PCDHGB2: variants seen among roughly 807,000 people sequenced by gnomAD.
PCDHGB2 encodes the protein protocadherin gamma subfamily B, 2.
Under a neutral mutation model 59.3 loss-of-function variants are expected in PCDHGB2, and 55 were observed. The ratio of observed to expected loss-of-function variants is 0.93; its 90% CI spans 0.75 to 1.16. The LOEUF is 1.16. PCDHGB2 is among the 50% of genes most tolerant of loss of function. PCDHGB2 has a pLI of 0.00. For missense variants in PCDHGB2, 1,228 were observed against 1,198.5 expected (o/e 1.02, Z -0.36); for synonymous variants, 516 against 512.0 (o/e 1.01, Z -0.11).
In PCDHGB2 at chr5:141,395,547, TGTGTGTGTGTGTGTG is replaced by T. The variant is rs2093269943; in HGVS notation, c.2421+32992_2421+33006del. On this transcript the variant is annotated intron_variant, in intron 1 of 3. Coordinates refer to ENST00000522605, the MANE Select transcript of PCDHGB2 (RefSeq NM_018923.3). ...ACTGGTAATTTTGCTATTGTTTGTG[TGTGTGTGTGTGTGTG>T]TGTGTGTGTGTGTGTGTGTGTGTGT... 2.2e-3 allele frequency: 375 copies of T among 174,268 alleles called. 18 individuals carry two copies. The highest frequency in any genetic ancestry group is 5.2e-3 in the East Asian group (33 of 6,366). 10.8% of individuals were successfully genotyped at this position (174,268 alleles called of 1,614,324 possible). A position where few individuals can be genotyped will look rare whatever the true frequency, so the allele number is the denominator to read the frequency against.
chr5:141,442,457 T>G (rs1209684998), intron 1 of PCDHGB2: 1 of 152,268 alleles, frequency 6.6e-6, no homozygotes, highest in African/African-American at 2.4e-5. Context: ...AATAGCAGTT[T>G]CACTGCAGAA....
chr5:141,491,048 C>G lies in PCDHGB2; in HGVS notation c.2422-3759C>G. On this transcript the variant is annotated intron_variant, in intron 1 of 3. Coordinates refer to ENST00000522605, the MANE Select transcript of PCDHGB2 (RefSeq NM_018923.3). The surrounding 1 kb of genome is among the most constrained non-coding windows in gnomAD (Gnocchi z 6.9). ...GTGGATGCTGATGCAGGCCACAATGCGTGGCTCTCCTACTCACTGTTGCCA... is the reference window on the plus strand; with the variant it reads ...GTGGATGCTGATGCAGGCCACAATGGGTGGCTCTCCTACTCACTGTTGCCA... 1.2e-6 allele frequency: 2 copies of G among 1,614,066 alleles called. No individual in the cohort carries two copies. Among genetic ancestry groups the G allele is most frequent in the Non-Finnish European group, 8.5e-7 (1 of 1,179,952 alleles).
chr5:141,365,483 T>A (rs750405300), intron 1 of PCDHGB2: 2 of 1,614,018 alleles, frequency 1.2e-6, no homozygotes, highest in Non-Finnish European at 1.7e-6. Context: ...GATTGCATGC[T>A]CTATTCCTAG....
At chr5:141,441,718 C>A in intron 1 of PCDHGB2, 1 of 344,940 alleles carries the variant, frequency 2.9e-6, no homozygotes, top group Non-Finnish European at 5.7e-6. Flanking sequence ...ACGCTGCAGG[C>A]CCGCGACCAG....
At chr5:141,446,831 T>C (rs1237079019) in intron 1 of PCDHGB2, among the ~76,000 whole-genome samples, 2 of 152,186 alleles carry the variant, frequency 1.3e-5, no homozygotes, top group East Asian at 3.9e-4. Context: ...TAGATCCTTA[T>C]AAGGCTGAGC....
Position 141,360,955 on chromosome 5 carries a change from A to G in PCDHGB2, c.820A>G (p.Asn274Asp). The G allele has an allele frequency of 6.2e-7, 1 of 1,613,952 alleles. No individual in the cohort carries two copies. Among genetic ancestry groups the G allele is most frequent in the Non-Finnish European group, 8.5e-7 (1 of 1,179,890 alleles). ...AGCCACCGACCGGGATGAAGGCATA[A>G]ACGCAGAGATCACCTACTCCTTTCA... ...VTATDRDEGI[N>D]AEITYSFHNV... Residue 274 changes from asparagine to aspartate, a missense_variant, in exon 1 of 4, where the codon AAC (asparagine) becomes GAC (aspartate). Physicochemically the swap from Asn to Asp is conservative, Grantham distance 23. Around this residue, in one of 3 missense-constraint regions of PCDHGB2, gnomAD observed 781 missense variants for 721.6 expected, o/e 1.08. Coordinates refer to ENST00000522605, the MANE Select transcript of PCDHGB2 (RefSeq NM_018923.3).
At chr5:141,372,958 T>TACAA in intron 1 of PCDHGB2, 9 of 710,562 alleles carry the variant, frequency 1.3e-5, no homozygotes, top group South Asian at 2.1e-5. Context: ...AAATTCTTTG[T>TACAA]AGAATTTCCT....
intron 2 of PCDHGB2, among the ~76,000 whole-genome samples, chr5:141,495,943 C>T (rs998665622): frequency 3.9e-5 from 6 of 152,010 alleles, no homozygotes; most frequent in African/African-American, 1.4e-4. Flanking sequence ...GTCTCTGTGC[C>T]TGTTGTCTTT....
chr5:141,399,146 G>T (rs758823968), intron 1 of PCDHGB2: 1 of 1,613,792 alleles, frequency 6.2e-7, no homozygotes, highest in East Asian at 2.2e-5. Context: ...AATGACAATA[G>T]CCCAGAAGTT....
Position 141,491,522 on chromosome 5 carries a change from A to G in PCDHGB2, c.2422-3285A>G, listed in dbSNP as rs778246278. ...TCGGACGGCACGCTCAAGTACATGG[A>G]GGTGACGCTGCGGCCCACAGACTCG... is the stretch of plus-strand genomic sequence containing the variant. On this transcript the variant is annotated intron_variant, in intron 1 of 3. Coordinates refer to ENST00000522605, the MANE Select transcript of PCDHGB2 (RefSeq NM_018923.3). The surrounding 1 kb of genome is among the most constrained non-coding windows in gnomAD (Gnocchi z 6.9). 8.1e-6 allele frequency: 13 copies of G among 1,614,024 alleles called. No homozygotes were observed. Among genetic ancestry groups the G allele is most frequent in the Non-Finnish European group, 1.1e-5 (13 of 1,180,002 alleles).
chr5:141,364,414 C>A (rs776503621), intron 1 of PCDHGB2: 13 of 1,612,210 alleles, frequency 8.1e-6, no homozygotes, highest in Admixed American at 3.3e-5. Context: ...AGCCAGGATC[C>A]GGGCAGATCC....
chr5:141,431,498 T>C lies in PCDHGB2; in HGVS notation c.2422-63309T>C, dbSNP rs1274311782. On this transcript the variant is annotated intron_variant, in intron 1 of 3. Coordinates refer to ENST00000522605, the MANE Select transcript of PCDHGB2 (RefSeq NM_018923.3). The surrounding 1 kb of genome is among the most constrained non-coding windows in gnomAD (Gnocchi z 4.8). ...CGCACCAGCGTTTGCTCAGCCCGAG[T>C]ACCGCGCGAGCGTTCCGGAGAATCT... The C allele has an allele frequency of 6.2e-7, 1 of 1,613,992 alleles. No homozygotes were observed. Among genetic ancestry groups the C allele is most frequent in the Non-Finnish European group, 8.5e-7 (1 of 1,180,034 alleles).
In PCDHGB2 at chr5:141,372,716, T is replaced by C. The variant is rs1305256970; in HGVS notation, c.2421+10160T>C. The C allele has an allele frequency of 1.9e-6, 3 of 1,613,946 alleles. No homozygotes were observed. The East Asian group carries it at 6.7e-5, about 36-fold the overall frequency. ...AATTTCTCAATATAAAGGCTGAAAATGCTGCACCACAAGATCTTCTATGTG... is the reference window on the plus strand; with the variant it reads ...AATTTCTCAATATAAAGGCTGAAAACGCTGCACCACAAGATCTTCTATGTG... On this transcript the variant is annotated intron_variant, in intron 1 of 3. Coordinates refer to ENST00000522605, the MANE Select transcript of PCDHGB2 (RefSeq NM_018923.3).
At chr5:141,471,508 G>A (rs1262338812) in intron 1 of PCDHGB2, 3 of 152,216 alleles carry the variant, frequency 2.0e-5, no homozygotes, top group African/African-American at 7.2e-5. Context: ...AAGAGAGGGA[G>A]TAAAAATAAC....
At chr5:141,422,009 G>C (rs1483710075) in intron 1 of PCDHGB2, 1 of 1,609,752 alleles carries the variant, frequency 6.2e-7, no homozygotes, top group Non-Finnish European at 8.5e-7. Flanking sequence ...TCCGGAACTC[G>C]GGTGCTGATG....
chr5:141,365,958 G>A lies in PCDHGB2; in HGVS notation c.2421+3402G>A, dbSNP rs779781915. On this transcript the variant is annotated intron_variant, in intron 1 of 3. Transcript: ENST00000522605. ...AGCGACAGTGGGAACCCTCCACTTA[G>A]CAGCAACGTGTCGCTGAGCCTGTTT... The A allele has an allele frequency of 6.8e-6, 11 of 1,614,252 alleles. No homozygotes were observed. The East Asian group carries it at 2.0e-4, about 29-fold the overall frequency.
chr5:141,436,878 G>T (rs914354261), intron 1 of PCDHGB2, among the ~76,000 whole-genome samples: 1 of 152,216 alleles, frequency 6.6e-6, no homozygotes, highest in African/African-American at 2.4e-5. Context: ...GGCCATAAAA[G>T]ATGGGGGAAA....
intron 1 of PCDHGB2, chr5:141,410,392 T>C: frequency 6.2e-7 from 1 of 1,614,050 alleles, no homozygotes; most frequent in African/African-American, 1.3e-5. Flanking sequence ...TCCATCCTGG[T>C]CTCTGTGTCA....
At chr5:141,386,425 C>T (rs996269178) in intron 1 of PCDHGB2, among the ~76,000 whole-genome samples, 2 of 151,916 alleles carry the variant, frequency 1.3e-5, no homozygotes, top group East Asian at 1.9e-4. Context: ...AGCTGTAGCC[C>T]ACCTGCATGG....
Sources: gnomAD v4.1 joint callset for allele counts (sites outside exome capture counted in the v4.1 genomes callset) on GRCh38, gnomAD v4.1.1 for gene constraint, gnomAD v4.1.1 regional missense constraint, Gnocchi (gnomAD v3.1) non-coding constraint, MANE v1.5 for transcripts, NCBI Gene and HGNC (gene_info 2026-07-23, HGNC 2026-07-21) for gene names.